The following PDE4B variants were observed in gnomAD, a reference collection of about 807,000 sequenced individuals.
PDE4B encodes the protein 3',5'-cyclic-AMP phosphodiesterase 4B.
PDE4B carries 20 observed loss-of-function variants against 82.2 expected under a neutral mutation model. The ratio of observed to expected loss-of-function variants is 0.24; its 90% CI spans 0.17 to 0.35. PDE4B has a LOEUF of 0.35. Ranked by LOEUF, PDE4B falls within the 10% of genes least tolerant of loss-of-function variation. The probability of loss-of-function intolerance (pLI) is 1.00; values close to 1 mark genes in which losing one functional copy is unlikely to be tolerated. For missense variants in PDE4B, 655 were observed against 907.2 expected (o/e 0.72, Z 3.57); for synonymous variants, 320 against 318.9 (o/e 1.00, Z -0.04).
intron 4 of PDE4B, among the ~76,000 whole-genome samples, chr1:66,255,122 T>C (rs1654108088): frequency 1.3e-5 from 2 of 152,030 alleles, no homozygotes; most frequent in South Asian, 4.2e-4. Flanking sequence ...GTCACTCTTA[T>C]TGCCCAGGCT....
chr1:65,987,869 C>T (rs896923054), intron 3 of PDE4B, among the ~76,000 whole-genome samples: 2 of 152,350 alleles, frequency 1.3e-5, no homozygotes, highest in African/African-American at 4.8e-5. Context: ...CCGCATTGGC[C>T]TCCCAAAGTG....
At chr1:66,033,939 T>A (rs544376450) in intron 3 of PDE4B, among the ~76,000 whole-genome samples, 1 of 152,322 alleles carries the variant, frequency 6.6e-6, no homozygotes, top group South Asian at 2.1e-4. Context: ...GAATGACAGC[T>A]TGACTAACCC....
chr1:65,919,783 TG>T (rs1647205122), intron 3 of PDE4B, among the ~76,000 whole-genome samples: 1 of 152,188 alleles, frequency 6.6e-6, no homozygotes, highest in Admixed American at 6.5e-5. Flanking sequence ...CCAGGGCTGA[TG>T]AGTAGCCCAG....
intron 15 of PDE4B, 117 bp downstream of exon 15, chr1:66,368,182 A>C (rs1663390804): frequency 1.1e-6 from 1 of 941,530 alleles, no homozygotes; most frequent in Non-Finnish European, 1.6e-6. Context: ...CTACTCCTAT[A>C]GCTTAGGGCT....
At chr1:65,843,506 T>C (rs558737655) in intron 1 of PDE4B, among the ~76,000 whole-genome samples, 6 of 152,322 alleles carry the variant, frequency 3.9e-5, no homozygotes, top group Admixed American at 3.9e-4. Context: ...AAATACATTT[T>C]GGACTTTCAG....
chr1:66,332,329 C>T, intron 7 of PDE4B, 179 bp from the exon 8 acceptor site: 1 of 1,593,964 alleles, frequency 6.3e-7, no homozygotes, highest in Non-Finnish European at 8.5e-7. Context: ...CCAGGCAGAG[C>T]ACCACTGTGA....
intron 3 of PDE4B, among the ~76,000 whole-genome samples, chr1:66,070,062 T>C (rs1656073301): frequency 6.6e-6 from 1 of 152,020 alleles, no homozygotes; most frequent in South Asian, 2.1e-4. Context: ...GTATACACAG[T>C]GTTTCTTTAC....
intron 3 of PDE4B, among the ~76,000 whole-genome samples, chr1:65,949,426 C>T (rs1416560229): frequency 1.3e-5 from 2 of 152,114 alleles, no homozygotes; most frequent in Non-Finnish European, 2.9e-5. Context: ...ATTGTATCAG[C>T]TGATTACAGC....
intron 3 of PDE4B, among the ~76,000 whole-genome samples, chr1:65,924,879 A>G (rs1569702276): frequency 6.6e-6 from 1 of 152,374 alleles, no homozygotes; most frequent in East Asian, 1.9e-4. Context: ...AGAGAGACCA[A>G]TAGAGACTGA....
At chr1:66,022,241 A>T (rs1263335115) in intron 3 of PDE4B, among the ~76,000 whole-genome samples, 1 of 152,224 alleles carries the variant, frequency 6.6e-6, no homozygotes, top group East Asian at 1.9e-4. Flanking sequence ...ATATACAATC[A>T]TGTCATCTGC....
intron 3 of PDE4B, among the ~76,000 whole-genome samples, chr1:66,025,615 CAT>C (rs1653390777): frequency 6.6e-6 from 1 of 152,182 alleles, no homozygotes; most frequent in Non-Finnish European, 1.5e-5. Context: ...AGACTGAACT[CAT>C]AATTTCTTCC....
chr1:66,274,481 G>A (rs1322555191), intron 7 of PDE4B, among the ~76,000 whole-genome samples: 2 of 151,982 alleles, frequency 1.3e-5, no homozygotes, highest in South Asian at 2.1e-4. Context: ...CTGAAAATGG[G>A]CATTTTAATA....
At chr1:66,363,378 T>C (rs1023359725) in intron 11 of PDE4B, 29 bp from the exon 12 acceptor site, 1 of 1,589,200 alleles carries the variant, frequency 6.3e-7, no homozygotes, top group African/African-American at 1.4e-5. Flanking sequence ...CATCTACTTA[T>C]TTATGTTCTA....
intron 6 of PDE4B, among the ~76,000 whole-genome samples, chr1:66,258,175 C>A (rs984889181): frequency 6.6e-6 from 1 of 152,164 alleles, no homozygotes; most frequent in African/African-American, 2.4e-5. Flanking sequence ...TGACCAGTAA[C>A]TGCCATAAAT....
In PDE4B at chr1:66,341,795, T is replaced by C. The variant is rs995511266; in HGVS notation, c.747+9175T>C. 3.3e-5 allele frequency among the ~76,000 whole-genome samples: 5 copies of C among 152,290 alleles called. No individual in the cohort carries two copies. The Middle Eastern group carries it at 0.01, about 311-fold the overall frequency. Reference sequence around the variant, plus strand: ...TTTGCAGAGCTGTTAGCATGGAAAGTTGAACGTGAGATGGTGATTCCAGTT... The same window carrying C: ...TTTGCAGAGCTGTTAGCATGGAAAGCTGAACGTGAGATGGTGATTCCAGTT... On this transcript the variant is annotated intron_variant, in intron 8 of 16. Transcript: ENST00000341517.
chr1:66,125,372 C>T (rs1645802769), intron 3 of PDE4B, among the ~76,000 whole-genome samples: 2 of 152,140 alleles, frequency 1.3e-5, no homozygotes, highest in South Asian at 4.1e-4. Context: ...CCATGTTGGT[C>T]AGGCTGGTCT....
intron 1 of PDE4B, among the ~76,000 whole-genome samples, chr1:65,850,817 T>G (rs1479153079): frequency 6.6e-6 from 1 of 152,232 alleles, no homozygotes; most frequent in African/African-American, 2.4e-5. Context: ...AAAAACTTGA[T>G]AAAGTCTAAC....
intron 1 of PDE4B, among the ~76,000 whole-genome samples, chr1:65,874,155 AG>A (rs1274669434): frequency 6.6e-6 from 1 of 151,756 alleles, no homozygotes; most frequent in Non-Finnish European, 1.5e-5. Context: ...TTAGATTCCT[AG>A]GTATTTTATT....
chr1:66,139,139 C>T (rs1260693795), intron 3 of PDE4B, among the ~76,000 whole-genome samples: 3 of 152,204 alleles, frequency 2.0e-5, no homozygotes, highest in South Asian at 2.1e-4. Flanking sequence ...CTTATTGTCT[C>T]ATGGTTCTAT....
Sources: gnomAD v4.1 joint callset for allele counts (sites outside exome capture counted in the v4.1 genomes callset) on GRCh38, gnomAD v4.1.1 for gene constraint, MANE v1.5 for transcripts, NCBI Gene and HGNC (gene_info 2026-07-23, HGNC 2026-07-21) for gene names.